PTPRD: variants seen among roughly 807,000 people sequenced by gnomAD.
PTPRD encodes receptor-type tyrosine-protein phosphatase delta.
Under a neutral mutation model 214.5 loss-of-function variants are expected in PTPRD, and 34 were observed. That is an observed-to-expected ratio of 0.16 (90% CI 0.12 to 0.21). PTPRD has a LOEUF of 0.21. Ranked by LOEUF, PTPRD falls within the 10% of genes least tolerant of loss-of-function variation. The pLI, the probability that PTPRD is intolerant of heterozygous loss-of-function variation, is 1.00. For missense variants in PTPRD, 2,545 were observed against 2,398.7 expected (o/e 1.06, Z -1.27); for synonymous variants, 1,128 against 845.7 (o/e 1.33, Z -5.79).
At chr9:9,627,130 A>G (rs1251364386) in intron 7 of PTPRD, among the ~76,000 whole-genome samples, 2 of 152,186 alleles carry the variant, frequency 1.3e-5, no homozygotes, top group African/African-American at 4.8e-5. Flanking sequence ...CCTGGCCAAC[A>G]TGGTGAAACC....
intron 11 of PTPRD, among the ~76,000 whole-genome samples, chr9:8,756,680 G>C (rs1464469612): frequency 1.3e-5 from 2 of 151,952 alleles, no homozygotes; most frequent in African/African-American, 4.8e-5. Flanking sequence ...TACTTATACA[G>C]GCAAGTGAAA....
intron 9 of PTPRD, among the ~76,000 whole-genome samples, chr9:9,295,798 G>A (rs149015470): frequency 1.3e-5 from 2 of 151,882 alleles, no homozygotes; most frequent in African/African-American, 4.8e-5. Flanking sequence ...CTGTGACTCT[G>A]GTGCATCCTA....
intron 35 of PTPRD, among the ~76,000 whole-genome samples, chr9:8,419,027 T>C (rs2094159211): frequency 6.6e-6 from 1 of 151,920 alleles, no homozygotes; most frequent in Non-Finnish European, 1.5e-5. Flanking sequence ...GAGACTGGCC[T>C]CAGCAACATA....
intron 10 of PTPRD, among the ~76,000 whole-genome samples, chr9:9,046,851 C>T (rs1313521734): frequency 6.6e-6 from 1 of 151,914 alleles, no homozygotes; most frequent in African/African-American, 2.4e-5. Context: ...CTTCTAAGAT[C>T]TGTAACATGA....
chr9:9,127,619 TAGATGTCTATAC>T (rs1232402998), intron 10 of PTPRD, among the ~76,000 whole-genome samples: 6 of 152,160 alleles, frequency 3.9e-5, no homozygotes, highest in African/African-American at 1.4e-4. Flanking sequence ...ATGATAAAGT[TAGATGTCTATAC>T]CACATTCAGA....
chr9:9,134,248 A>G (rs1158043392), intron 10 of PTPRD, among the ~76,000 whole-genome samples: 1 of 145,554 alleles, frequency 6.9e-6, no homozygotes, highest in Non-Finnish European at 1.5e-5. Context: ...AATTTTTTGT[A>G]TTTTTTAGTA....
At chr9:9,147,503 A>C (rs73399613) in intron 10 of PTPRD, among the ~76,000 whole-genome samples, 1 of 152,118 alleles carries the variant, frequency 6.6e-6, no homozygotes, top group Non-Finnish European at 1.5e-5. Context: ...CCAGTTAAGA[A>C]TGTTTTTTAC....
intron 8 of PTPRD, among the ~76,000 whole-genome samples, chr9:9,463,483 G>A (rs529594868): frequency 4.6e-5 from 7 of 152,144 alleles, no homozygotes; most frequent in African/African-American, 1.7e-4. Flanking sequence ...AGCTGGAGGT[G>A]GAGGAGGCAG....
At chr9:9,920,321 T>A (rs764143216) in intron 5 of PTPRD, among the ~76,000 whole-genome samples, 2 of 152,134 alleles carry the variant, frequency 1.3e-5, no homozygotes, top group Non-Finnish European at 2.9e-5. Context: ...TATAGCCATT[T>A]AAAGTTCAAA....
intron 10 of PTPRD, among the ~76,000 whole-genome samples, chr9:9,038,381 C>G (rs1178810081): frequency 7.9e-5 from 12 of 152,066 alleles, no homozygotes; most frequent in Admixed American, 7.9e-4. Flanking sequence ...AAATTCCCCC[C>G]ACTTCGCTGT....
rs201448309 is a variant in PTPRD, at chr9:10,507,750, A to G, written c.-600+104648T>C. 2.0e-4 allele frequency among the ~76,000 whole-genome samples: 31 copies of G among 152,344 alleles called. 1 individual carries two copies. In the East Asian group the frequency reaches 6.0e-3, roughly 29 times the overall value. On this transcript the variant is annotated intron_variant, in intron 2 of 45. Transcript: ENST00000381196. Reference sequence around the variant, plus strand: ...CTGGGAAAACTGGCTAGCCATATGTAGAAAGCTGAAACTGGATCCTTTCCT... The same window carrying G: ...CTGGGAAAACTGGCTAGCCATATGTGGAAAGCTGAAACTGGATCCTTTCCT...
chr9:10,008,567 A>G (rs1248624087), intron 4 of PTPRD, among the ~76,000 whole-genome samples: 1 of 142,390 alleles, frequency 7.0e-6, no homozygotes, highest in Non-Finnish European at 1.6e-5. Flanking sequence ...GCATATTCAC[A>G]GCTCCTCCCA....
At chr9:9,233,140 G>C (rs943551813) in intron 9 of PTPRD, among the ~76,000 whole-genome samples, 1 of 152,084 alleles carries the variant, frequency 6.6e-6, no homozygotes, top group Non-Finnish European at 1.5e-5. Flanking sequence ...AATTTATAAA[G>C]AAAAGAGGTT....
chr9:10,273,349 T>C (rs981167401), intron 3 of PTPRD, among the ~76,000 whole-genome samples: 1 of 152,132 alleles, frequency 6.6e-6, no homozygotes, highest in African/African-American at 2.4e-5. Flanking sequence ...AGGAATATTG[T>C]GAAGAATATA....
chr9:10,029,460 G>A (rs2097007329), intron 4 of PTPRD, among the ~76,000 whole-genome samples: 1 of 152,188 alleles, frequency 6.6e-6, no homozygotes, highest in South Asian at 2.1e-4. Context: ...ACCCTGCAAA[G>A]CCACAGGGGC....
At chr9:8,454,561 T>C (rs772420987) in intron 33 of PTPRD, 1 of 1,612,704 alleles carries the variant, frequency 6.2e-7, no homozygotes, top group East Asian at 2.2e-5. Context: ...ATTAAAGGGG[T>C]TTGTTCTCTA....
intron 3 of PTPRD, among the ~76,000 whole-genome samples, chr9:10,196,022 A>G (rs536784497): frequency 6.6e-6 from 1 of 152,334 alleles, no homozygotes; most frequent in Non-Finnish European, 1.5e-5. Context: ...GATTGACTAT[A>G]GAAAGGCAAG....
intron 3 of PTPRD, among the ~76,000 whole-genome samples, chr9:10,338,476 G>A (rs751445472): frequency 2.0e-5 from 3 of 151,730 alleles, no homozygotes; most frequent in Admixed American, 6.6e-5. Context: ...TGTGTGCCCA[G>A]CACATACTGT....
chr9:9,574,657 T>A (rs900327800), intron 8 of PTPRD, 75 bp downstream of exon 8: 4 of 151,588 alleles, frequency 2.6e-5, no homozygotes, highest in African/African-American at 7.3e-5. Context: ...TTCCTTTACT[T>A]AAAAAAAACT....
Sources: allele counts gnomAD v4.1 joint callset (sites outside exome capture counted in the v4.1 genomes callset), GRCh38; gene constraint gnomAD v4.1.1; transcripts MANE v1.5; gene names NCBI Gene and HGNC (gene_info 2026-07-23, HGNC 2026-07-21).